CD34: variants seen among roughly 807,000 people sequenced by gnomAD.
CD34 encodes CD34 molecule, also known as hematopoietic progenitor cell antigen CD34.
Under a neutral mutation model 40.1 loss-of-function variants are expected in CD34, and 34 were observed. That is an observed-to-expected ratio of 0.85 (90% CI 0.65 to 1.13). CD34 has a LOEUF of 1.13. Among genes scored for constraint, CD34 ranks in the 50% most tolerant of loss-of-function variants. CD34 has a pLI of 0.00. For synonymous variants in CD34, 209 were observed against 190.0 expected, an observed-to-expected ratio of 1.10 and a Z score of -0.82; for missense variants, 426 against 466.9, an observed-to-expected ratio of 0.91 and a Z score of 0.81.
At chr1:207,899,740 G>A in intron 2 of CD34, 81 bp downstream of exon 2, 2 of 1,245,592 alleles carry the variant, frequency 1.6e-6, no homozygotes, top group Admixed American at 2.1e-5. Flanking sequence ...GTGGAGAGGG[G>A]AGCGGTCTGA....
intron 4 of CD34, among the ~76,000 whole-genome samples, chr1:207,892,556 G>C (rs547745538): frequency 2.6e-5 from 4 of 151,736 alleles, no homozygotes; most frequent in African/African-American, 9.7e-5. Context: ...TCTGCACTCC[G>C]GCCTGGGCAA....
intron 2 of CD34, 121 bp from the exon 3 acceptor site, chr1:207,899,347 A>C: frequency 1.9e-6 from 2 of 1,053,514 alleles, no homozygotes; most frequent in Non-Finnish European, 2.8e-6. Flanking sequence ...GTTAACAGTT[A>C]CTTCGTGTCC....
intron 4 of CD34, among the ~76,000 whole-genome samples, chr1:207,896,534 T>C (rs1662152160): frequency 6.6e-6 from 1 of 152,162 alleles, no homozygotes; most frequent in Non-Finnish European, 1.5e-5. Flanking sequence ...AAATAATTGT[T>C]CAAAACTCTA....
intron 1 of CD34, among the ~76,000 whole-genome samples, chr1:207,907,634 G>A (rs966270967): frequency 6.6e-6 from 1 of 152,196 alleles, no homozygotes; most frequent in Admixed American, 6.5e-5. Context: ...AACTCATTCC[G>A]ACGGACTCCA....
chr1:207,903,889 T>C (rs539348821), intron 1 of CD34, among the ~76,000 whole-genome samples: 1 of 152,080 alleles, frequency 6.6e-6, no homozygotes, highest in Non-Finnish European at 1.5e-5. Context: ...ATGGTAGGAG[T>C]GAATAGGTTA....
intron 4 of CD34, among the ~76,000 whole-genome samples, chr1:207,894,334 G>C (rs1418744029): frequency 1.3e-5 from 2 of 152,172 alleles, no homozygotes; most frequent in Non-Finnish European, 2.9e-5. Context: ...CTACTCATAT[G>C]AGGTACCTAG....
intron 4 of CD34, chr1:207,889,882 G>T: frequency 6.5e-7 from 1 of 1,545,638 alleles, no homozygotes. Context: ...TAAAAAAATT[G>T]TCTCGTTGAA....
At chr1:207,901,679 CA>C (rs1314215124) in intron 1 of CD34, among the ~76,000 whole-genome samples, 3 of 152,196 alleles carry the variant, frequency 2.0e-5, no homozygotes, top group Non-Finnish European at 4.4e-5. Context: ...ATATGTTTGT[CA>C]AGGTAAGAGG....
At chr1:207,891,341 G>C (rs976098904) in intron 4 of CD34, among the ~76,000 whole-genome samples, 1 of 152,100 alleles carries the variant, frequency 6.6e-6, no homozygotes, top group African/African-American at 2.4e-5. Flanking sequence ...AGGTATCTAT[G>C]AATTCCACCT....
At chr1:207,907,030 G>A (rs911855332) in intron 1 of CD34, among the ~76,000 whole-genome samples, 20 of 151,770 alleles carry the variant, frequency 1.3e-4, no homozygotes, top group African/African-American at 3.6e-4. Context: ...CTCCCTGTCC[G>A]CACTAGTATA....
chr1:207,890,167 ATC>A, intron 4 of CD34: 1 of 1,031,946 alleles, frequency 9.7e-7, no homozygotes, highest in Non-Finnish European at 1.2e-6. Flanking sequence ...CTCGTCTTCC[ATC>A]TCTGTTTTCC....
intron 1 of CD34, among the ~76,000 whole-genome samples, chr1:207,908,116 T>C (rs1029202329): frequency 6.6e-6 from 1 of 152,204 alleles, no homozygotes; most frequent in African/African-American, 2.4e-5. Context: ...CATTTTCATT[T>C]GTTTTCGTAG....
intron 7 of CD34, chr1:207,888,144 G>A (rs1661947463): frequency 6.2e-7 from 1 of 1,613,636 alleles, no homozygotes. Context: ...CATAGGAGAG[G>A]CACCACACCA....
At chr1:207,897,418 G>A in intron 4 of CD34, 75 bp downstream of exon 4, 1 of 1,105,134 alleles carries the variant, frequency 9.0e-7, no homozygotes, top group Non-Finnish European at 1.3e-6. Context: ...ATCCAAGAAG[G>A]TTTAAGGGTG....
At chr1:207,899,743 C>T (rs546274404) in intron 2 of CD34, 78 bp downstream of exon 2, 76 of 1,271,036 alleles carry the variant, frequency 6.0e-5, no homozygotes, top group East Asian at 5.7e-4. Flanking sequence ...GAGAGGGGAG[C>T]GGTCTGAAAA....
At chr1:207,903,725 C>T (rs1662323658) in intron 1 of CD34, among the ~76,000 whole-genome samples, 1 of 152,098 alleles carries the variant, frequency 6.6e-6, no homozygotes, top group African/African-American at 2.4e-5. Context: ...TTCTAATAAC[C>T]CTGGTTATCT....
chr1:207,900,662 T>C (rs1003382418), intron 1 of CD34, among the ~76,000 whole-genome samples: 1 of 152,188 alleles, frequency 6.6e-6, no homozygotes, highest in Non-Finnish European at 1.5e-5. Flanking sequence ...GCCTTTCCTT[T>C]TCTTCTTTTA....
chr1:207,881,043 T>C lies in CD34; in HGVS notation c.*6695A>G, dbSNP rs1212050087. ...TTTTATGAGGTTCCAGTTTTTAAAT[T>C]TGAGTTTATTAAATTACATATAGCT... On this transcript the variant is annotated 3_prime_UTR_variant, in exon 8 of 8. Coordinates refer to ENST00000310833, the MANE Select transcript of CD34 (RefSeq NM_001025109.2). 6.6e-6 allele frequency: 1 copy of C among 152,130 alleles called. No individual in the cohort carries two copies. 9.4% of individuals were successfully genotyped at this position (152,130 alleles called of 1,614,324 possible).
intron 7 of CD34, 152 bp from the exon 8 acceptor site, chr1:207,888,075 G>C (rs766718637): frequency 1.2e-6 from 2 of 1,613,776 alleles, no homozygotes; most frequent in Non-Finnish European, 8.5e-7. Context: ...GCAGCTGCAT[G>C]TGCAGACTCC....
Sources: allele counts gnomAD v4.1 joint callset (sites outside exome capture counted in the v4.1 genomes callset), GRCh38; gene constraint gnomAD v4.1.1; transcripts MANE v1.5; gene names NCBI Gene and HGNC (gene_info 2026-07-23, HGNC 2026-07-21).